The following CLIP1 variants were observed in gnomAD, a reference collection of about 807,000 sequenced individuals.
The protein encoded by CLIP1 is CAP-Gly domain-containing linker protein 1.
A neutral mutation model predicts 161.6 loss-of-function variants in CLIP1; 66 were observed. That is an observed-to-expected ratio of 0.41 (90% CI 0.33 to 0.50). The LOEUF (loss-of-function observed/expected upper bound fraction) is 0.50, where lower values mean the gene tolerates loss of function less well. CLIP1 is among the 20% of genes least tolerant of loss of function. CLIP1 has a pLI of 0.27. For missense variants in CLIP1, 1,376 were observed against 1,702.0 expected (o/e 0.81, Z 3.37); for synonymous variants, 598 against 626.2 (o/e 0.96, Z 0.67).
At chr12:122,410,103 C>T (rs981956516) in intron 1 of CLIP1, among the ~76,000 whole-genome samples, 3 of 151,802 alleles carry the variant, frequency 2.0e-5, no homozygotes, top group African/African-American at 7.3e-5. Flanking sequence ...AACTCCTGGC[C>T]TCAAGTGATC....
At chr12:122,357,543 T>A (rs1352194863) in intron 5 of CLIP1, among the ~76,000 whole-genome samples, 3 of 124,132 alleles carry the variant, frequency 2.4e-5, no homozygotes, top group East Asian at 5.9e-4. Flanking sequence ...AGCCGCCCCG[T>A]CCGGGAGGGA....
chr12:122,340,156 C>T (rs1415085292), intron 11 of CLIP1, among the ~76,000 whole-genome samples: 2 of 151,622 alleles, frequency 1.3e-5, no homozygotes, highest in African/African-American at 4.9e-5. Flanking sequence ...CAGGTCACTG[C>T]AACCTCCGCC....
At chr12:122,304,405 G>C (rs750309949) in intron 20 of CLIP1, among the ~76,000 whole-genome samples, 1 of 152,190 alleles carries the variant, frequency 6.6e-6, no homozygotes, top group African/African-American at 2.4e-5. Context: ...CTGTCGCCCA[G>C]GCTGGAGTCC....
At chr12:122,318,020 T>C (rs10219740) in intron 18 of CLIP1, among the ~76,000 whole-genome samples, 151,639 of 152,346 alleles carry the variant, frequency 1, 75,471 homozygotes, top group East Asian at 1. Flanking sequence ...ATACTTTTAG[T>C]TTAAGTCATC....
intron 8 of CLIP1, among the ~76,000 whole-genome samples, chr12:122,351,969 C>A (rs1953054840): frequency 6.6e-6 from 1 of 151,538 alleles, no homozygotes; most frequent in Non-Finnish European, 1.5e-5. Flanking sequence ...TTAACAATTA[C>A]AACATATTCC....
Position 122,272,565 on chromosome 12 carries a change from T to G in CLIP1, c.*310A>C, listed in dbSNP as rs1364681276. 1 of 270,750 alleles carries G rather than the reference T, an allele frequency of 3.7e-6. No homozygotes were observed. The highest frequency in any genetic ancestry group is 7.1e-6 in the Non-Finnish European group (1 of 141,610). 16.8% of individuals were successfully genotyped at this position (270,750 alleles called of 1,614,324 possible). On this transcript the variant is annotated 3_prime_UTR_variant, in exon 26 of 26. Transcript: ENST00000620786. ...ATTTAAAGTTACTTAAATAAGGTAT[T>G]GTGAGGGTAGGGGTTTTTCTACAAG... is the stretch of plus-strand genomic sequence containing the variant.
intron 20 of CLIP1, among the ~76,000 whole-genome samples, chr12:122,309,287 G>T (rs937335880): frequency 2.0e-5 from 3 of 152,108 alleles, no homozygotes; most frequent in Non-Finnish European, 4.4e-5. Context: ...ATTAGAAAAG[G>T]CTTAAGCATG....
intron 20 of CLIP1, among the ~76,000 whole-genome samples, chr12:122,291,796 G>A (rs965551262): frequency 2.0e-5 from 3 of 151,992 alleles, no homozygotes; most frequent in African/African-American, 7.3e-5. Context: ...GTATTTTTGG[G>A]GGATACGTTT....
At chr12:122,301,683 A>G (rs1950684406) in intron 20 of CLIP1, among the ~76,000 whole-genome samples, 1 of 152,154 alleles carries the variant, frequency 6.6e-6, no homozygotes, top group African/African-American at 2.4e-5. Context: ...CAAAATAACA[A>G]AGAACCCCAC....
chr12:122,414,239 T>C (rs1956646925), intron 1 of CLIP1, among the ~76,000 whole-genome samples: 1 of 152,008 alleles, frequency 6.6e-6, no homozygotes, highest in South Asian at 2.1e-4. Flanking sequence ...ATCAGATTTC[T>C]TGGGTTTAAG....
At chr12:122,414,148 G>GT (rs869308063) in intron 1 of CLIP1, among the ~76,000 whole-genome samples, 14 of 151,264 alleles carry the variant, frequency 9.3e-5, no homozygotes, top group Admixed American at 2.6e-4. Context: ...TTGTTTGTTT[G>GT]TTTTTTTTGA....
At chr12:122,393,453 T>C (rs1476392491) in intron 1 of CLIP1, among the ~76,000 whole-genome samples, 1 of 149,586 alleles carries the variant, frequency 6.7e-6, no homozygotes, top group Non-Finnish European at 1.5e-5. Context: ...TGTGCCACCA[T>C]GCCCAGCCAG....
At chr12:122,406,274 T>C (rs993771350) in intron 1 of CLIP1, among the ~76,000 whole-genome samples, 16 of 152,108 alleles carry the variant, frequency 1.1e-4, no homozygotes, top group African/African-American at 3.9e-4. Flanking sequence ...GGCGAAACCC[T>C]GTCTCTGCAA....
chr12:122,340,322 A>G (rs995890392), intron 11 of CLIP1, among the ~76,000 whole-genome samples: 2 of 152,006 alleles, frequency 1.3e-5, no homozygotes, highest in African/African-American at 2.4e-5. Context: ...TCAGGTGATC[A>G]CCTGCCTCAG....
At chr12:122,299,782 G>A (rs771131102) in intron 20 of CLIP1, among the ~76,000 whole-genome samples, 12 of 151,844 alleles carry the variant, frequency 7.9e-5, no homozygotes, top group Non-Finnish European at 1.2e-4. Flanking sequence ...CGGGCGTGGT[G>A]GCAGGTGCCT....
chr12:122,291,738 C>T (rs1950259094), intron 20 of CLIP1, among the ~76,000 whole-genome samples: 1 of 152,146 alleles, frequency 6.6e-6, no homozygotes, highest in East Asian at 1.9e-4. Flanking sequence ...AAGTATCTTC[C>T]ATGTTTCTCC....
intron 20 of CLIP1, among the ~76,000 whole-genome samples, chr12:122,309,330 T>A (rs73404031): frequency 0.025 from 3,882 of 152,316 alleles, 112 homozygotes; most frequent in South Asian, 0.068. Context: ...GAGTTCTATT[T>A]AAAATCAGCT....
intron 21 of CLIP1, chr12:122,280,810 G>C (rs1181291806): frequency 6.6e-6 from 1 of 152,238 alleles, no homozygotes; most frequent in African/African-American, 2.4e-5. Context: ...CTGGAGAAAA[G>C]TTTCCTAGGC....
At chr12:122,291,206 T>C (rs947591476) in intron 20 of CLIP1, among the ~76,000 whole-genome samples, 1 of 151,552 alleles carries the variant, frequency 6.6e-6, no homozygotes, top group African/African-American at 2.4e-5. Flanking sequence ...TTCTTTTTTT[T>C]TGAGACAGAG....
Sources: gnomAD v4.1 joint callset for allele counts (sites outside exome capture counted in the v4.1 genomes callset) on GRCh38, gnomAD v4.1.1 for gene constraint, MANE v1.5 for transcripts, NCBI Gene and HGNC (gene_info 2026-07-23, HGNC 2026-07-21) for gene names.